DMXL1: variants seen among roughly 807,000 people sequenced by gnomAD.
DMXL1 encodes the protein Dmx like 1.
In DMXL1, 99 loss-of-function variants were observed where a neutral mutation model predicts 319.2. The observed-to-expected ratio is 0.31, with a 90% confidence interval of 0.26 to 0.37. The LOEUF is 0.37. DMXL1 is among the 10% of genes least tolerant of loss of function. DMXL1 has a pLI of 1.00. For missense variants in DMXL1, 3,745 were observed against 3,595.6 expected, an observed-to-expected ratio of 1.04 and a Z score of -1.06; for synonymous variants, 1,385 against 1,235.2, an observed-to-expected ratio of 1.12 and a Z score of -2.54.
At position 119,197,852 on chromosome 5, in the gene DMXL1, A is replaced by G; in HGVS notation, c.7641A>G (p.Pro2547=). The G allele has an allele frequency of 6.2e-7, 1 of 1,614,200 alleles. No homozygotes were observed. Among genetic ancestry groups the G allele is most frequent in the Non-Finnish European group, 8.5e-7 (1 of 1,180,034 alleles). ...LLRRLEIHGG[P]PQNYIASHTA... ...GACGACTTGAAATCCATGGTGGGCCACCTCAAAATTATATCGCAAGTCATA... is the reference window on the plus strand; with the variant it reads ...GACGACTTGAAATCCATGGTGGGCCGCCTCAAAATTATATCGCAAGTCATA... The change falls in exon 32 of 44, where the codon CCA becomes CCG. Residue 2547 remains proline (P), a synonymous_variant. Coordinates refer to ENST00000539542, the MANE Select transcript of DMXL1 (RefSeq NM_001290321.3).
intron 8 of DMXL1, among the ~76,000 whole-genome samples, chr5:119,119,652 G>C (rs1343538769): frequency 6.6e-6 from 1 of 151,566 alleles, no homozygotes; most frequent in African/African-American, 2.4e-5. Flanking sequence ...TGGAATTACA[G>C]GTGTGCATCA....
chr5:119,074,353 C>T (rs1750337204), intron 1 of DMXL1, among the ~76,000 whole-genome samples: 1 of 152,230 alleles, frequency 6.6e-6, no homozygotes, highest in Admixed American at 6.5e-5. Flanking sequence ...ATGACATCTT[C>T]CTCTTGCAGT....
At chr5:119,220,203 A>G (rs1354446012) in intron 35 of DMXL1, among the ~76,000 whole-genome samples, 2 of 152,174 alleles carry the variant, frequency 1.3e-5, no homozygotes, top group Non-Finnish European at 2.9e-5. Flanking sequence ...ATAGCATTCT[A>G]GCAGTCTAGA....
chr5:119,101,863 C>A, intron 2 of DMXL1, 72 bp from the exon 3 acceptor site: 1 of 969,042 alleles, frequency 1.0e-6, no homozygotes, highest in Non-Finnish European at 1.6e-6. Flanking sequence ...TTATAGTATT[C>A]ATTTCTTTGC....
intron 38 of DMXL1, among the ~76,000 whole-genome samples, chr5:119,230,754 C>T (rs1039201661): frequency 1.6e-4 from 25 of 152,116 alleles, no homozygotes; most frequent in African/African-American, 5.5e-4. Flanking sequence ...TGGTGGCACA[C>T]GCCTGTAGTC....
At chr5:119,211,787 A>C (rs887783961) in intron 34 of DMXL1, among the ~76,000 whole-genome samples, 1 of 152,220 alleles carries the variant, frequency 6.6e-6, no homozygotes. Context: ...AATGAAAATC[A>C]CTACTGACTA....
intron 1 of DMXL1, among the ~76,000 whole-genome samples, chr5:119,096,629 C>G (rs1323444625): frequency 2.0e-5 from 3 of 152,072 alleles, no homozygotes; most frequent in East Asian, 3.9e-4. Context: ...CCTAGGAGAA[C>G]AACCATGTAC....
chr5:119,106,264 A>G (rs546091207), intron 4 of DMXL1, among the ~76,000 whole-genome samples: 22 of 152,328 alleles, frequency 1.4e-4, no homozygotes, highest in Non-Finnish European at 4.4e-5. Flanking sequence ...AGAAGCTGCA[A>G]GGAAGTCCCA....
intron 1 of DMXL1, among the ~76,000 whole-genome samples, chr5:119,082,887 C>T (rs1247911837): frequency 1.3e-5 from 2 of 152,248 alleles, no homozygotes; most frequent in Non-Finnish European, 2.9e-5. Flanking sequence ...CCTTAGCCCT[C>T]TGGTAACCAT....
At chr5:119,115,516 T>C (rs996870139) in intron 6 of DMXL1, among the ~76,000 whole-genome samples, 7 of 152,216 alleles carry the variant, frequency 4.6e-5, no homozygotes, top group Non-Finnish European at 7.3e-5. Flanking sequence ...TAAGTTACTC[T>C]AAAACCACAG....
chr5:119,112,341 C>G (rs1580765648), intron 5 of DMXL1, among the ~76,000 whole-genome samples: 1 of 152,142 alleles, frequency 6.6e-6, no homozygotes, highest in African/African-American at 2.4e-5. Context: ...ATAAGATTGC[C>G]AGGTTTCATT....
intron 32 of DMXL1, among the ~76,000 whole-genome samples, chr5:119,199,830 G>A (rs1354651156): frequency 6.6e-6 from 1 of 152,168 alleles, no homozygotes; most frequent in South Asian, 2.1e-4. Flanking sequence ...CAAATGATCA[G>A]TTATATTAAG....
chr5:119,104,593 A>G (rs912977703), intron 3 of DMXL1, among the ~76,000 whole-genome samples: 3 of 152,212 alleles, frequency 2.0e-5, no homozygotes, highest in Non-Finnish European at 2.9e-5. Flanking sequence ...AATAGAGAAA[A>G]TATCAGAGTA....
chr5:119,129,483 A>G, intron 10 of DMXL1, 60 bp downstream of exon 10: 5 of 1,251,718 alleles, frequency 4.0e-6, no homozygotes, highest in South Asian at 1.4e-5. Flanking sequence ...ACATTTTCAT[A>G]TTAGGGTAAA....
chr5:119,114,428 C>G, intron 5 of DMXL1, 47 bp from the exon 6 acceptor site: 1 of 1,371,472 alleles, frequency 7.3e-7, no homozygotes, highest in Non-Finnish European at 1.0e-6. Context: ...TGAACTTTTT[C>G]TTTTTAGTTT....
At chr5:119,157,541 G>A (rs1436505763) in intron 19 of DMXL1, among the ~76,000 whole-genome samples, 1 of 152,106 alleles carries the variant, frequency 6.6e-6, no homozygotes, top group Non-Finnish European at 1.5e-5. Context: ...TCTGCATGTG[G>A]TTATCTAGTT....
At chr5:119,169,723 G>A (rs551423051) in intron 23 of DMXL1, among the ~76,000 whole-genome samples, 72 of 152,268 alleles carry the variant, frequency 4.7e-4, no homozygotes, top group African/African-American at 1.7e-3. Context: ...TGATGTCCAA[G>A]TTATCAGTGT....
At chr5:119,077,505 T>A (rs1406051743) in intron 1 of DMXL1, among the ~76,000 whole-genome samples, 22 of 144,190 alleles carry the variant, frequency 1.5e-4, no homozygotes, top group Admixed American at 8.4e-4. Context: ...TTTTTTTTTT[T>A]AAGACAGGGT....
intron 40 of DMXL1, among the ~76,000 whole-genome samples, chr5:119,238,051 G>A (rs1033069449): frequency 6.6e-6 from 1 of 152,082 alleles, no homozygotes; most frequent in Non-Finnish European, 1.5e-5. Context: ...GCAAGCATGG[G>A]AGGATTGATT....
Sources: gnomAD v4.1 joint callset for allele counts (sites outside exome capture counted in the v4.1 genomes callset) on GRCh38, gnomAD v4.1.1 for gene constraint, MANE v1.5 for transcripts, NCBI Gene and HGNC (gene_info 2026-07-23, HGNC 2026-07-21) for gene names.